UBR1: variants seen among roughly 807,000 people sequenced by gnomAD.
UBR1 encodes the protein E3 ubiquitin-protein ligase UBR1.
In UBR1, 102 loss-of-function variants were observed where a neutral mutation model predicts 242.1. The ratio of observed to expected loss-of-function variants is 0.42; its 90% confidence interval spans 0.36 to 0.50. The LOEUF is 0.50. UBR1 is among the 20% of genes least tolerant of loss of function. The probability of loss-of-function intolerance (pLI) is 0.01; values close to 1 mark genes in which losing one functional copy is unlikely to be tolerated. For synonymous variants in UBR1, 675 were observed against 684.8 expected, an observed-to-expected ratio of 0.99 and a Z score of 0.22; for missense variants, 1,772 against 2,101.8, an observed-to-expected ratio of 0.84 and a Z score of 3.07.
rs62020703 is a variant in UBR1, at chr15:42,989,120, T to G, written c.3849-153A>C. The stretch of plus-strand genomic sequence containing the variant: ...ATTAGAGATTAGAGCCTCCAAAGAT[T>G]TATTCAGTTGGAAAAAAATTGGAAG... On this transcript the variant is annotated intron_variant, in intron 34 of 46. Coordinates refer to ENST00000290650, the MANE Select transcript of UBR1 (RefSeq NM_174916.3). Among the ~76,000 whole-genome samples the G allele has an allele frequency of 6.9e-3, 1,047 of 152,148 alleles. 11 individuals carry two copies. Among genetic ancestry groups the G allele is most frequent in the Non-Finnish European group, 0.011 (740 of 68,034 alleles).
rs147396426 is a variant in UBR1 at position 43,059,740 on chromosome 15, C to T, written c.947G>A (p.Arg316His). 5.5e-5 allele frequency: 89 copies of T among 1,613,918 alleles called. No individual in the cohort carries two copies. The highest frequency in any genetic ancestry group is 4.4e-4 in the African/African-American group (33 of 74,886). Residue 316 changes from arginine (R) to histidine (H), a missense_variant, in exon 8 of 47, where the codon CGT becomes CAT. Physicochemically the swap from Arg to His is conservative, Grantham distance 29. This residue lies in a region of UBR1 where 734 missense variants were observed against 893.3 expected (regional missense o/e 0.82). Coordinates refer to ENST00000290650, the MANE Select transcript of UBR1 (RefSeq NM_174916.3). Reference protein sequence around the residue: ...EIMAHQKFALRLGSWMNKIMS... With the variant: ...EIMAHQKFALHLGSWMNKIMS... ...AATTTTGTTCATCCAGGAACCAAGA[C>T]GCAAAGCAAATTTCTGATGAGCCAT...
chr15:43,015,927 C>A, intron 28 of UBR1, 58 bp from the exon 29 acceptor site: 1 of 1,525,570 alleles, frequency 6.6e-7, no homozygotes, highest in Non-Finnish European at 9.0e-7. Context: ...TTTATATACG[C>A]TGTTTGGATG....
At chr15:42,965,406 G>A (rs569833360) in intron 41 of UBR1, among the ~76,000 whole-genome samples, 98 of 151,902 alleles carry the variant, frequency 6.5e-4, no homozygotes, top group African/African-American at 2.3e-3. Context: ...CATGGCCTAG[G>A]TTGGTTCTAG....
chr15:43,015,719 C>T lies in UBR1; in HGVS notation c.3178G>A (p.Gly1060Arg), dbSNP rs1198901772. The T allele has an allele frequency of 1.2e-6, 2 of 1,613,974 alleles. No individual in the cohort carries two copies. Among genetic ancestry groups the T allele is most frequent in the Admixed American group, 3.3e-5 (2 of 59,994 alleles). Residue 1060 changes from glycine (G) to arginine (R), a missense_variant, in exon 29 of 47, where the codon GGG (glycine) becomes AGG (arginine). This residue lies in a region of UBR1 where 965 missense variants were observed against 1,079.7 expected (regional missense o/e 0.89). Coordinates refer to ENST00000290650, the MANE Select transcript of UBR1 (RefSeq NM_174916.3). ...TCCTCCATAATGGAATCTTCTTTCC[C>T]AGGCATTTCTGATGTATTGTCATAC... ...LMYDNTSEMP[G>R]KEDSIMEEES...
At chr15:42,990,438 G>C (rs1406988147) in intron 33 of UBR1, among the ~76,000 whole-genome samples, 2 of 152,162 alleles carry the variant, frequency 1.3e-5, no homozygotes, top group Non-Finnish European at 2.9e-5. Context: ...CTACCAAAGT[G>C]CTGGGATTAC....
intron 32 of UBR1, among the ~76,000 whole-genome samples, chr15:43,000,226 TATAATCATGTATTTCA>T (rs2032702520): frequency 6.6e-6 from 1 of 152,200 alleles, no homozygotes; most frequent in Non-Finnish European, 1.5e-5. Context: ...AACTGCTATG[TATAATCATGTATTTCA>T]GATCCTGAGT....
At chr15:42,958,412 C>A (rs1388028511) in intron 43 of UBR1, among the ~76,000 whole-genome samples, 4 of 152,126 alleles carry the variant, frequency 2.6e-5, no homozygotes, top group African/African-American at 9.7e-5. Context: ...GGTTACAAAT[C>A]CTAAATTCTC....
At chr15:43,036,727 A>T in intron 17 of UBR1, 134 bp from the exon 18 acceptor site, 1 of 632,006 alleles carries the variant, frequency 1.6e-6, no homozygotes, top group South Asian at 2.0e-5. Flanking sequence ...ATAAGTTGTA[A>T]ATCTATGAAT....
chr15:42,978,430 G>C (rs986123889), intron 37 of UBR1, among the ~76,000 whole-genome samples: 5 of 152,202 alleles, frequency 3.3e-5, no homozygotes, highest in Non-Finnish European at 7.3e-5. Context: ...GGTTTATATA[G>C]ATTGTTCATC....
chr15:42,996,996 G>C (rs1368398655), intron 33 of UBR1, among the ~76,000 whole-genome samples: 1 of 152,170 alleles, frequency 6.6e-6, no homozygotes, highest in Non-Finnish European at 1.5e-5. Flanking sequence ...CCAGGGCCAT[G>C]GACGAGTACC....
At chr15:43,023,070 AC>A (rs916985362) in intron 25 of UBR1, among the ~76,000 whole-genome samples, 1 of 151,958 alleles carries the variant, frequency 6.6e-6, no homozygotes, top group Admixed American at 6.6e-5. Context: ...ACAGCATCTC[AC>A]TATGTTGGCC....
At chr15:42,964,147 G>A (rs545784351) in intron 41 of UBR1, 104 bp from the exon 42 acceptor site, 33 of 835,978 alleles carry the variant, frequency 3.9e-5, no homozygotes, top group Non-Finnish European at 5.7e-5. Context: ...CACTCTCCTT[G>A]TAGAGGGTAT....
chr15:43,099,366 A>T (rs2034199458), intron 1 of UBR1, among the ~76,000 whole-genome samples: 1 of 152,210 alleles, frequency 6.6e-6, no homozygotes, highest in East Asian at 1.9e-4. Flanking sequence ...ATATGAGATT[A>T]TGGGTACATT....
rs966748933 is a variant in UBR1, at chr15:43,041,393, T to C, written c.1849+1822A>G. Among the ~76,000 whole-genome samples the C allele has an allele frequency of 2.6e-5, 4 of 151,838 alleles. No homozygotes were observed. In the East Asian group the frequency reaches 7.7e-4, roughly 29 times the overall value. On this transcript the variant is annotated intron_variant, in intron 15 of 46. Transcript: ENST00000290650. ...TCACTCATAGGTGGGAATTGAATAA[T>C]GAGAACACCTGGACACAAGAAGGGG...
At chr15:43,039,444 T>C (rs1256504265) in intron 15 of UBR1, among the ~76,000 whole-genome samples, 1 of 152,190 alleles carries the variant, frequency 6.6e-6, no homozygotes, top group East Asian at 1.9e-4. Context: ...GAAGCAATTG[T>C]GAATGGGAGT....
intron 28 of UBR1, among the ~76,000 whole-genome samples, chr15:43,016,804 C>T (rs946552335): frequency 4.6e-5 from 7 of 152,204 alleles, no homozygotes; most frequent in East Asian, 1.9e-4. Context: ...CTTGAACTCC[C>T]GACCTCAAGT....
At chr15:43,033,202 C>T (rs537801987) in intron 19 of UBR1, among the ~76,000 whole-genome samples, 202 of 152,022 alleles carry the variant, frequency 1.3e-3, no homozygotes, top group African/African-American at 4.7e-3. Context: ...TTCTTTAATT[C>T]TTAAATTTGA....
chr15:43,099,756 T>C (rs2034205118), intron 1 of UBR1, among the ~76,000 whole-genome samples: 1 of 152,154 alleles, frequency 6.6e-6, no homozygotes, highest in East Asian at 1.9e-4. Flanking sequence ...CTTCAAGAAC[T>C]TCACTGTCTA....
intron 33 of UBR1, among the ~76,000 whole-genome samples, chr15:42,992,601 T>C (rs1317214109): frequency 6.6e-6 from 1 of 152,224 alleles, no homozygotes; most frequent in Non-Finnish European, 1.5e-5. Flanking sequence ...TTCTCAAAAC[T>C]TTGGCTATGC....
Sources: allele counts gnomAD v4.1 joint callset (sites outside exome capture counted in the v4.1 genomes callset), GRCh38; gene constraint gnomAD v4.1.1; regional missense constraint gnomAD v4.1.1; transcripts MANE v1.5; gene names NCBI Gene and HGNC (gene_info 2026-07-23, HGNC 2026-07-21).